Variants in MYO6 observed in about 807,000 individuals in gnomAD.
MYO6 encodes the protein myosin VI, also known as unconventional myosin-VI.
Under a neutral mutation model 178.7 loss-of-function variants are expected in MYO6, and 74 were observed. The ratio of observed to expected loss-of-function variants is 0.41; its 90% confidence interval spans 0.34 to 0.50. The LOEUF (loss-of-function observed/expected upper bound fraction) is 0.50. MYO6 is among the 20% of genes least tolerant of loss of function. MYO6 has a pLI of 0.09. For missense variants in MYO6, 1,330 were observed against 1,547.4 expected (o/e 0.86, Z 2.36); for synonymous variants, 477 against 504.6 (o/e 0.95, Z 0.73).
intron 30 of MYO6, 25 bp downstream of exon 30, chr6:75,898,436 A>G: frequency 6.3e-7 from 1 of 1,587,124 alleles, no homozygotes; most frequent in East Asian, 2.2e-5. Context: ...ATTGGGGGAA[A>G]TAAGTGTTCA....
intron 1 of MYO6, among the ~76,000 whole-genome samples, chr6:75,783,706 A>G (rs1201541593): frequency 6.6e-6 from 1 of 152,134 alleles, no homozygotes; most frequent in Non-Finnish European, 1.5e-5. Flanking sequence ...ATTAATGCCT[A>G]GGATCCACCT....
At position 75,855,300 on chromosome 6, in the gene MYO6, A is replaced by G; in HGVS notation, c.1223+17A>G. 6.2e-7 allele frequency: 1 copy of G among 1,612,278 alleles called. No homozygotes were observed. The highest frequency in any genetic ancestry group is 2.2e-5 in the East Asian group (1 of 44,780). Reference sequence around the variant, plus strand: ...AGTTATAAAGTAAGTTCCTTAAGTAATTGCACTGCAAAAATTTTGCCTTGC... The same window carrying G: ...AGTTATAAAGTAAGTTCCTTAAGTAGTTGCACTGCAAAAATTTTGCCTTGC... On this transcript the variant is annotated intron_variant, in intron 12 of 34. Transcript: ENST00000369977.
chr6:75,787,036 G>A (rs1322980917), intron 1 of MYO6, among the ~76,000 whole-genome samples: 1 of 152,204 alleles, frequency 6.6e-6, no homozygotes, highest in Non-Finnish European at 1.5e-5. Flanking sequence ...ATCTGGAATA[G>A]TTATTTACCT....
In MYO6 at chr6:75,803,983, AC is replaced by A. The variant is rs374059319; in HGVS notation, c.-47-13516del. ...ATCATGGCTCACTGCAGCCTTGGCC[AC>A]CTGAGCTGAAGCTATTCTTCCGCCT... On this transcript the variant is annotated intron_variant, in intron 1 of 34. Coordinates refer to ENST00000369977, the MANE Select transcript of MYO6 (RefSeq NM_004999.4). 5.9e-5 allele frequency among the ~76,000 whole-genome samples: 9 copies of A among 152,230 alleles called. No homozygotes were observed. In the South Asian group the frequency reaches 1.5e-3, roughly 25 times the overall value.
At chr6:75,872,743 T>C (rs1329384515) in intron 19 of MYO6, among the ~76,000 whole-genome samples, 1 of 152,136 alleles carries the variant, frequency 6.6e-6, no homozygotes, top group Non-Finnish European at 1.5e-5. Context: ...AAAAAGTCAT[T>C]GTAAGCTTTA....
In MYO6 at chr6:75,914,230, GCCCGGCAAATGGAACTCCAT is replaced by G; in HGVS notation, c.3610_3629del (p.Arg1204Ter). On this transcript the variant is annotated frameshift_variant, in exon 34 of 35. Transcript: ENST00000369977. LOFTEE classifies it high-confidence loss of function. ...TGCCCATTTTGATGGACCATGGATT[GCCCGGCAAATGGAACTCCAT>G]CCTGACAAGCCACCCATCCTACTTG... 6.2e-7 allele frequency: 1 copy of G among 1,614,220 alleles called. No homozygotes were observed. Among genetic ancestry groups the G allele is most frequent in the South Asian group, 1.1e-5 (1 of 91,084 alleles).
In MYO6 at chr6:75,907,676, C is replaced by T; in HGVS notation, c.3248C>T (p.Ala1083Val). The T allele has an allele frequency of 6.2e-7, 1 of 1,613,056 alleles. No individual in the cohort carries two copies. Among genetic ancestry groups the T allele is most frequent in the South Asian group, 1.1e-5 (1 of 91,058 alleles). Reference protein sequence around the residue: ...KKYDLSKWKYAELRDTINTSC... With the variant: ...KKYDLSKWKYVELRDTINTSC... ...TATGATCTTAGTAAATGGAAATATG[C>T]AGAACTACGTGATACCATCAATACT... is the stretch of plus-strand genomic sequence containing the variant. Residue 1083 changes from alanine to valine, a missense_variant, in exon 31 of 35, where the codon GCA becomes GTA. Physicochemically the swap from Ala to Val is moderately conservative, Grantham distance 64 (BLOSUM62 0). Around this residue, in one of 3 missense-constraint regions of MYO6, gnomAD observed 601 missense variants for 626.1 expected, o/e 0.96. Coordinates refer to ENST00000369977, the MANE Select transcript of MYO6 (RefSeq NM_004999.4).
At chr6:75,771,927 T>A (rs1039015874) in intron 1 of MYO6, among the ~76,000 whole-genome samples, 1 of 152,200 alleles carries the variant, frequency 6.6e-6, no homozygotes, top group Non-Finnish European at 1.5e-5. Flanking sequence ...TTTTAAAAAT[T>A]TAGTTTTTGT....
intron 6 of MYO6, among the ~76,000 whole-genome samples, chr6:75,835,553 T>G (rs1773556038): frequency 6.6e-6 from 1 of 152,110 alleles, no homozygotes; most frequent in Non-Finnish European, 1.5e-5. Flanking sequence ...TGCCCCAGCC[T>G]CCTGAGTAGC....
chr6:75,780,928 C>T (rs1366205693), intron 1 of MYO6, among the ~76,000 whole-genome samples: 1 of 151,930 alleles, frequency 6.6e-6, no homozygotes, highest in African/African-American at 2.4e-5. Flanking sequence ...CTGCCCCAGC[C>T]TCCCGAGTAG....
Position 75,754,211 on chromosome 6 carries a change from A to G in MYO6, c.-48+4788A>G, listed in dbSNP as rs551683663. ...AGTCATCTTTTGAGTATGTTAGGTC[A>G]TTTGTTATTTCATTTGAAAATAACC... On this transcript the variant is annotated intron_variant, in intron 1 of 34. Coordinates refer to ENST00000369977, the MANE Select transcript of MYO6 (RefSeq NM_004999.4). Among the ~76,000 whole-genome samples, 376 of 152,298 alleles carry G rather than the reference A, an allele frequency of 2.5e-3. 2 individuals are homozygous for G. Among genetic ancestry groups the G allele is most frequent in the African/African-American group, 8.7e-3 (360 of 41,554 alleles).
In MYO6 at chr6:75,822,816, C is replaced by A. The variant is rs1772030235; in HGVS notation, c.152C>A (p.Ala51Glu). 1.2e-6 allele frequency: 2 copies of A among 1,613,200 alleles called. No individual in the cohort carries two copies. The highest frequency in any genetic ancestry group is 2.7e-5 in the African/African-American group (2 of 74,828). The change falls in exon 3 of 35, where the codon GCA becomes GAA. Residue 51 changes from alanine to glutamate, a missense_variant. By Grantham distance (107) the Ala-to-Glu change is moderately radical. This residue lies in a region of MYO6 where 116 missense variants were observed against 104.6 expected (regional missense o/e 1.11). Coordinates refer to ENST00000369977, the MANE Select transcript of MYO6 (RefSeq NM_004999.4). ...FLALINQVFP[A>E]EEDSKKDVED... ...GCTCTCATAAACCAAGTGTTTCCTG[C>A]AGAAGAGGACAGTAAAAAAGATGTG...
intron 25 of MYO6, 101 bp from the exon 26 acceptor site, chr6:75,889,956 G>T: frequency 4.3e-4 from 352 of 816,538 alleles, no homozygotes; most frequent in East Asian, 6.8e-4. Context: ...ATTTATCTTA[G>T]CCATTTTTCA....
rs142693907 is a variant in MYO6 at position 75,799,176 on chromosome 6, G to A, written c.-47-18325G>A. On this transcript the variant is annotated intron_variant, in intron 1 of 34. Coordinates refer to ENST00000369977, the MANE Select transcript of MYO6 (RefSeq NM_004999.4). ...GGCCAAGGCGGGTGGATCACCGGAG[G>A]TCAGGAGTTCCGAGACCAGCCTGGC... Among the ~76,000 whole-genome samples, 673 of 152,242 alleles carry A rather than the reference G, an allele frequency of 4.4e-3. 2 individuals carry two copies. Among genetic ancestry groups the A allele is most frequent in the South Asian group, 8.9e-3 (43 of 4,822 alleles).
chr6:75,903,886 T>C (rs1190196562), intron 30 of MYO6, among the ~76,000 whole-genome samples: 1 of 151,844 alleles, frequency 6.6e-6, no homozygotes, highest in Non-Finnish European at 1.5e-5. Context: ...TTTCCATGTT[T>C]AGCGCTTCCT....
intron 11 of MYO6, among the ~76,000 whole-genome samples, chr6:75,851,739 G>A (rs1369353788): frequency 6.6e-6 from 1 of 152,074 alleles, no homozygotes; most frequent in African/African-American, 2.4e-5. Flanking sequence ...CAGCTACTTG[G>A]AAGGCTGAGG....
intron 5 of MYO6, among the ~76,000 whole-genome samples, chr6:75,831,647 C>A (rs1773089552): frequency 6.6e-6 from 1 of 152,056 alleles, no homozygotes; most frequent in African/African-American, 2.4e-5. Context: ...TGCCTGTAAT[C>A]CAAGCACTTC....
intron 1 of MYO6, among the ~76,000 whole-genome samples, chr6:75,776,829 T>C (rs1766438950): frequency 6.6e-6 from 1 of 152,062 alleles, no homozygotes; most frequent in South Asian, 2.1e-4. Flanking sequence ...GTGTTTTTTG[T>C]TTATTTGTTT....
At chr6:75,904,390 C>A (rs987231076) in intron 30 of MYO6, among the ~76,000 whole-genome samples, 21 of 151,712 alleles carry the variant, frequency 1.4e-4, no homozygotes, top group Non-Finnish European at 4.4e-5. Context: ...TTGGTCTTTT[C>A]ACATAGTCCC....
Sources: gnomAD v4.1 joint callset for allele counts (sites outside exome capture counted in the v4.1 genomes callset) on GRCh38, gnomAD v4.1.1 for gene constraint, gnomAD v4.1.1 regional missense constraint, MANE v1.5 for transcripts, NCBI Gene and HGNC (gene_info 2026-07-23, HGNC 2026-07-21) for gene names.